AGBL1: variants seen among roughly 807,000 people sequenced by gnomAD.
AGBL1 encodes AGBL carboxypeptidase 1, also known as cytosolic carboxypeptidase 4.
A neutral mutation model predicts 118.9 loss-of-function variants in AGBL1; 130 were observed. The observed-to-expected ratio is 1.09, with a 90% CI of 0.95 to 1.26. AGBL1 has a LOEUF of 1.26. Ranked by LOEUF, AGBL1 falls within the 50% of genes most tolerant of loss-of-function variation. The pLI is 0.00. For synonymous variants in AGBL1, 555 were observed against 478.9 expected (o/e 1.16, Z -2.08); for missense variants, 1,584 against 1,298.1 (o/e 1.22, Z -3.38).
At chr15:86,144,259 T>G (rs1466553731) in intron 3 of AGBL1, among the ~76,000 whole-genome samples, 1 of 152,190 alleles carries the variant, frequency 6.6e-6, no homozygotes, top group South Asian at 2.1e-4. Context: ...AACAGTGTGG[T>G]GATTCCTCAA....
At chr15:86,250,726 A>G (rs985076018) in intron 7 of AGBL1, among the ~76,000 whole-genome samples, 2 of 152,140 alleles carry the variant, frequency 1.3e-5, no homozygotes, top group South Asian at 4.1e-4. Flanking sequence ...CCCGGCAGTC[A>G]TAACCAGTGT....
At chr15:86,495,146 T>C (rs1207982126) in intron 18 of AGBL1, among the ~76,000 whole-genome samples, 1 of 151,628 alleles carries the variant, frequency 6.6e-6, no homozygotes, top group Non-Finnish European at 1.5e-5. Context: ...TTCTCTCTCT[T>C]TCTCTGTTTC....
chr15:86,938,211 T>C (rs888614278), intron 23 of AGBL1, among the ~76,000 whole-genome samples: 18 of 152,144 alleles, frequency 1.2e-4, no homozygotes, highest in Admixed American at 7.2e-4. Flanking sequence ...GAAGTGGGTG[T>C]GAAGAGATGA....
intron 17 of AGBL1, chr15:86,296,478 T>C (rs912276467): frequency 1.7e-4 from 26 of 152,160 alleles, no homozygotes; most frequent in Admixed American, 5.9e-4. Flanking sequence ...CAGCCTTCTC[T>C]GAGGAAGATA....
Position 86,895,173 on chromosome 15 carries a change from C to T in AGBL1, c.3159-11914C>T, listed in dbSNP as rs77357578. On this transcript the variant is annotated intron_variant, in intron 22 of 22. Coordinates refer to ENST00000614907, the MANE Select transcript of AGBL1 (RefSeq NM_001386094.1). The stretch of plus-strand genomic sequence containing the variant: ...TTTTACTCTTTTCTTCTTTCTCTTT[C>T]CCCCCTCTTTTCTTTTCCCAGCCTT... Among the ~76,000 whole-genome samples the T allele has an allele frequency of 7.3e-3, 995 of 136,582 alleles. 6 individuals carry two copies. Among genetic ancestry groups the T allele is most frequent in the Admixed American group, 0.011 (154 of 13,624 alleles). 89.6% of individuals were successfully genotyped at this position (136,582 alleles called of 152,430 possible). A position where few individuals can be genotyped will look rare whatever the true frequency, so the allele number is the denominator to read the frequency against.
intron 17 of AGBL1, among the ~76,000 whole-genome samples, chr15:86,336,457 C>A (rs1460924248): frequency 6.6e-6 from 1 of 152,180 alleles, no homozygotes; most frequent in Non-Finnish European, 1.5e-5. Flanking sequence ...AAATAAATTG[C>A]ATTTGGAGCT....
intron 3 of AGBL1, among the ~76,000 whole-genome samples, 197 bp downstream of exon 3, chr15:86,144,042 A>C (rs139595917): frequency 4.6e-4 from 70 of 152,312 alleles, no homozygotes; most frequent in Non-Finnish European, 9.4e-4. Context: ...CATCCAAGGT[A>C]TGGTGCTCAG....
intron 22 of AGBL1, among the ~76,000 whole-genome samples, chr15:86,827,959 G>A (rs1282537225): frequency 1.5e-4 from 1 of 6,652 alleles, no homozygotes; most frequent in Non-Finnish European, 3.5e-4. Context: ...TTTTTTTTTT[G>A]AGACAGTATC....
intron 5 of AGBL1, among the ~76,000 whole-genome samples, chr15:86,222,856 C>T (rs1459294785): frequency 6.6e-6 from 1 of 152,144 alleles, no homozygotes; most frequent in Non-Finnish European, 1.5e-5. Context: ...GAATTGCTCT[C>T]TCAACATCGA....
At chr15:86,203,518 G>A (rs1397876121) in intron 5 of AGBL1, among the ~76,000 whole-genome samples, 1 of 152,114 alleles carries the variant, frequency 6.6e-6, no homozygotes, top group African/African-American at 2.4e-5. Context: ...GATGAGGAGT[G>A]GATAGTTGGA....
intron 22 of AGBL1, among the ~76,000 whole-genome samples, chr15:86,825,302 T>C (rs1213216184): frequency 7.0e-6 from 1 of 142,330 alleles, no homozygotes; most frequent in East Asian, 2.1e-4. Flanking sequence ...AAAGGAGAAA[T>C]TGATAAACTG....
chr15:86,464,828 T>C (rs1459166679), intron 18 of AGBL1, among the ~76,000 whole-genome samples: 4 of 152,168 alleles, frequency 2.6e-5, no homozygotes, highest in Non-Finnish European at 5.9e-5. Context: ...AACATGCTGC[T>C]GGATTCAGTT....
At position 86,315,103 on chromosome 15, in the gene AGBL1, A is replaced by G. The variant is rs192446252; in HGVS notation, c.2374+19695A>G. ...ACTCATACCCATAATCTTTCACTCC[A>G]TCCTCCTTGTTCATTGCAAGCTGAA... On this transcript the variant is annotated intron_variant, in intron 17 of 22. Coordinates refer to ENST00000614907, the MANE Select transcript of AGBL1 (RefSeq NM_001386094.1). Among the ~76,000 whole-genome samples the G allele has an allele frequency of 4.6e-5, 7 of 152,298 alleles. No individual in the cohort carries two copies. In the East Asian group the frequency reaches 1.4e-3, roughly 29 times the overall value.
chr15:86,408,097 T>G (rs1380792388), intron 18 of AGBL1, among the ~76,000 whole-genome samples: 3 of 152,130 alleles, frequency 2.0e-5, no homozygotes, highest in Non-Finnish European at 4.4e-5. Context: ...CCTGTCTCTA[T>G]CTCTGTTTCT....
At chr15:86,901,431 A>G (rs1224915043) in intron 22 of AGBL1, among the ~76,000 whole-genome samples, 1 of 152,084 alleles carries the variant, frequency 6.6e-6, no homozygotes, top group Admixed American at 6.5e-5. Context: ...CAGGTGCTCT[A>G]TTTGAAAAAA....
intron 5 of AGBL1, among the ~76,000 whole-genome samples, chr15:86,214,180 G>A (rs78230193): frequency 2.0e-5 from 3 of 152,344 alleles, no homozygotes; most frequent in African/African-American, 7.2e-5. Context: ...AGCAAAATCA[G>A]ATACATTTTT....
At chr15:86,452,316 C>T (rs2082204086) in intron 18 of AGBL1, among the ~76,000 whole-genome samples, 1 of 152,214 alleles carries the variant, frequency 6.6e-6, no homozygotes, top group Non-Finnish European at 1.5e-5. Context: ...CTTTCCAGTG[C>T]TGACCACTCT....
intron 1 of AGBL1, among the ~76,000 whole-genome samples, chr15:86,136,465 C>G (rs1446484161): frequency 6.6e-6 from 1 of 152,024 alleles, no homozygotes; most frequent in East Asian, 1.9e-4. Flanking sequence ...TGTGCAGAGC[C>G]CAATAGGAGC....
chr15:86,265,713 A>G (rs1449768715), intron 11 of AGBL1, among the ~76,000 whole-genome samples: 4 of 152,126 alleles, frequency 2.6e-5, no homozygotes. Context: ...TTCTAGCACC[A>G]TGTTATCCCT....
Sources: gnomAD v4.1 joint callset for allele counts (sites outside exome capture counted in the v4.1 genomes callset) on GRCh38, gnomAD v4.1.1 for gene constraint, MANE v1.5 for transcripts, NCBI Gene and HGNC (gene_info 2026-07-23, HGNC 2026-07-21) for gene names.